PHACTR2: variants seen among roughly 807,000 people sequenced by gnomAD.
PHACTR2 encodes the protein chromosome 6 open reading frame 56.
PHACTR2 carries 30 observed loss-of-function variants against 76.0 expected under a neutral mutation model. The observed-to-expected ratio is 0.39, with a 90% CI of 0.30 to 0.54. The LOEUF is 0.54. Among genes scored for constraint, PHACTR2 ranks in the 20% least tolerant of loss-of-function variants. The pLI is 0.61. For synonymous variants in PHACTR2, 292 were observed against 292.5 expected (o/e 1.00, Z 0.02); for missense variants, 696 against 781.1 (o/e 0.89, Z 1.30).
intron 2 of PHACTR2, among the ~76,000 whole-genome samples, chr6:143,712,606 C>G (rs1039580714): frequency 2.0e-5 from 3 of 151,758 alleles, no homozygotes; most frequent in African/African-American, 7.3e-5. Context: ...GTAGACTATA[C>G]TGCTATACAC....
intron 12 of PHACTR2, among the ~76,000 whole-genome samples, chr6:143,810,858 T>C (rs1386748369): frequency 2.0e-5 from 3 of 152,042 alleles, no homozygotes; most frequent in Non-Finnish European, 4.4e-5. Flanking sequence ...ATGTGATCAA[T>C]TTTTTGGGTA....
intron 1 of PHACTR2, among the ~76,000 whole-genome samples, chr6:143,620,062 A>T (rs1402890323): frequency 1.3e-5 from 2 of 152,232 alleles, no homozygotes; most frequent in Non-Finnish European, 2.9e-5. Context: ...TTGTTTAAAT[A>T]ACTGTATGAC....
intron 2 of PHACTR2, among the ~76,000 whole-genome samples, chr6:143,727,457 T>C (rs953474932): frequency 2.6e-5 from 4 of 152,118 alleles, no homozygotes; most frequent in Non-Finnish European, 1.5e-5. Context: ...TGAGTTCCAT[T>C]TTTGTGGGGG....
rs1450612609 is a variant in PHACTR2, at chr6:143,767,358, T to C, written c.1232+1560T>C. On this transcript the variant is annotated intron_variant, in intron 6 of 12. Coordinates refer to ENST00000440869, the MANE Select transcript of PHACTR2 (RefSeq NM_001100164.2). The surrounding 1 kb of genome is among the most constrained non-coding windows in gnomAD (Gnocchi z 4.4). ...TCTACTTCTACTGCCATTTCTCTTC[T>C]GTTAGTTTCTTTGGGTTTTTTTAAG... is the stretch of plus-strand genomic sequence containing the variant. 6.6e-6 allele frequency among the ~76,000 whole-genome samples: 1 copy of C among 152,212 alleles called. No homozygotes were observed. Among genetic ancestry groups the C allele is most frequent in the Admixed American group, 6.5e-5 (1 of 15,286 alleles).
Position 143,659,463 on chromosome 6 carries a change from G to A in PHACTR2, c.13+51141G>A, listed in dbSNP as rs376998285. ...ACTGAGGAAGGATACACCTGGAAGT[G>A]CATGTGGTCACTGGGCAGCACGCCA... On this transcript the variant is annotated intron_variant, in intron 1 of 11. Transcript: ENST00000305766. This position sits in a 1 kb window ranked among gnomAD's most constrained non-coding sequence, Gnocchi z 5.0. 6.6e-6 allele frequency among the ~76,000 whole-genome samples: 1 copy of A among 152,198 alleles called. No homozygotes were observed. The highest frequency in any genetic ancestry group is 6.5e-5 in the Admixed American group (1 of 15,282).
At chr6:143,588,033 TA>T (rs1416995015) in intron 1 of PHACTR2, among the ~76,000 whole-genome samples, 1 of 151,222 alleles carries the variant, frequency 6.6e-6, no homozygotes, top group African/African-American at 2.4e-5. Flanking sequence ...TAAAATAAAA[TA>T]AAATAAAATA....
rs1278333265 is a variant in PHACTR2 at position 143,608,464 on chromosome 6, C to T, written c.13+142C>T. 20 of 785,020 alleles carry T rather than the reference C, an allele frequency of 2.5e-5. No homozygotes were observed. In the Admixed American group the frequency reaches 3.4e-4, roughly 13 times the overall value. The allele number at this position is 785,020 out of a possible 1,614,324, so 48.6% of individuals were successfully genotyped here. A position where few individuals can be genotyped will look rare whatever the true frequency, so the allele number is the denominator to read the frequency against. ...TGAGACGCGTGTAATATGTGAACCCCGATGCATTGTCCACAAGACAATTAG... is the reference window on the plus strand; with the variant it reads ...TGAGACGCGTGTAATATGTGAACCCTGATGCATTGTCCACAAGACAATTAG... On this transcript the variant is annotated intron_variant, in intron 1 of 11. Transcript: ENST00000305766. This position sits in a 1 kb window ranked among gnomAD's most constrained non-coding sequence, Gnocchi z 4.6.
intron 5 of PHACTR2, among the ~76,000 whole-genome samples, chr6:143,763,358 C>CA (rs1040058005): frequency 1.6e-4 from 24 of 147,550 alleles, no homozygotes; most frequent in African/African-American, 4.2e-4. Flanking sequence ...GACTCTGTCT[C>CA]AAAAAAAACA....
At chr6:143,790,412 A>T (rs949462849) in intron 11 of PHACTR2, among the ~76,000 whole-genome samples, 3 of 152,198 alleles carry the variant, frequency 2.0e-5, no homozygotes, top group East Asian at 3.9e-4. Flanking sequence ...CTTATGTGAA[A>T]GAGGCAAGGA....
chr6:143,623,187 A>C lies in PHACTR2; in HGVS notation c.13+14865A>C, dbSNP rs1421690248. On this transcript the variant is annotated intron_variant, in intron 1 of 11. Coordinates refer to the PHACTR2 transcript ENST00000305766. This position sits in a 1 kb window ranked among gnomAD's most constrained non-coding sequence, Gnocchi z 5.9. ...TATGTATTTTAAACTAAATTAATAA[A>C]TTAAATATTGTTATAAGAAAAAAGC... 1.6e-5 allele frequency among the ~76,000 whole-genome samples: 2 copies of C among 127,080 alleles called. No homozygotes were observed. The highest frequency in any genetic ancestry group is 3.5e-5 in the Non-Finnish European group (2 of 57,920). The allele number at this position is 127,080 out of a possible 152,430, so 83.4% of individuals were successfully genotyped here. A position where few individuals can be genotyped will look rare whatever the true frequency, so the allele number is the denominator to read the frequency against.
rs1776781783 is a variant in PHACTR2, at chr6:143,652,515, C to T, written c.13+44193C>T. On this transcript the variant is annotated intron_variant, in intron 1 of 11. Coordinates refer to the PHACTR2 transcript ENST00000305766. This position sits in a 1 kb window ranked among gnomAD's most constrained non-coding sequence, Gnocchi z 4.5. The stretch of plus-strand genomic sequence containing the variant: ...CAAAGTGATGCACGCTGTGTTTTTC[C>T]CTGTGAGACGTGTGAATGCCTTGTG... Among the ~76,000 whole-genome samples, 2 of 152,148 alleles carry T rather than the reference C, an allele frequency of 1.3e-5. 1 individual carries two copies. Among genetic ancestry groups the T allele is most frequent in the South Asian group, 4.1e-4 (2 of 4,824 alleles).
rs915076274 is a variant in PHACTR2 at position 143,787,224 on chromosome 6, T to TC, written c.1708-1547dup. Among the ~76,000 whole-genome samples, 3 of 152,188 alleles carry TC rather than the reference T, an allele frequency of 2.0e-5. No individual in the cohort carries two copies. Among genetic ancestry groups the TC allele is most frequent in the African/African-American group, 7.2e-5 (3 of 41,438 alleles). On this transcript the variant is annotated intron_variant, in intron 10 of 12. Transcript: ENST00000440869. The surrounding 1 kb of genome is among the most constrained non-coding windows in gnomAD (Gnocchi z 4.6). ...GGTAGCTACCCCATGACTGGGACAG[T>TC]CCTGAGGACAAGACTGGATGGAGAA... is the stretch of plus-strand genomic sequence containing the variant.
chr6:143,810,495 C>A (rs868178400), intron 12 of PHACTR2: 2 of 437,456 alleles, frequency 4.6e-6, no homozygotes, highest in Middle Eastern at 3.4e-4. Flanking sequence ...AACAATAATA[C>A]CCCATTTCAT....
At position 143,812,626 on chromosome 6, in the gene PHACTR2, G is replaced by A. The variant is rs530233324; in HGVS notation, c.1922+5493G>A. 5.3e-5 allele frequency among the ~76,000 whole-genome samples: 8 copies of A among 152,334 alleles called. No homozygotes were observed. In the East Asian group the frequency reaches 1.5e-3, roughly 29 times the overall value. On this transcript the variant is annotated intron_variant, in intron 12 of 12. Transcript: ENST00000440869. ...TGGAATGGATGCTAGGGCAAGAAAG[G>A]TAGGGACAAATGGTCCCCACAAGAA...
At chr6:143,565,522 G>T (rs1306770013) in intron 1 of PHACTR2, among the ~76,000 whole-genome samples, 1 of 151,662 alleles carries the variant, frequency 6.6e-6, no homozygotes, top group Non-Finnish European at 1.5e-5. Flanking sequence ...GGAGAATGGC[G>T]TGAACCCGGG....
rs1779162571 is a variant in PHACTR2, at chr6:143,750,715, A to G, written c.295+1650A>G. 6.6e-6 allele frequency among the ~76,000 whole-genome samples: 1 copy of G among 152,234 alleles called. No individual in the cohort carries two copies. The highest frequency in any genetic ancestry group is 2.4e-5 in the African/African-American group (1 of 41,466). ...TGTGAAACTATTTGCCTCATAGATT[A>G]TAATTTCTTGGGCCAACATATACTT... On this transcript the variant is annotated intron_variant, in intron 3 of 12. Transcript: ENST00000440869. The surrounding 1 kb of genome is among the most constrained non-coding windows in gnomAD (Gnocchi z 4.6).
chr6:143,783,941 G>A lies in PHACTR2; in HGVS notation c.1707+661G>A, dbSNP rs528347600. 6.6e-6 allele frequency among the ~76,000 whole-genome samples: 1 copy of A among 151,316 alleles called. No individual in the cohort carries two copies. The highest frequency in any genetic ancestry group is 2.1e-4 in the South Asian group (1 of 4,802). On this transcript the variant is annotated intron_variant, in intron 10 of 12. Coordinates refer to ENST00000440869, the MANE Select transcript of PHACTR2 (RefSeq NM_001100164.2). This position sits in a 1 kb window ranked among gnomAD's most constrained non-coding sequence, Gnocchi z 5.2. Reference sequence around the variant, plus strand: ...AAGCTGAGGCAGGAGGATTGCTTGAGCCCAGGAGGTCAAGACCAGCCTGGA... The same window carrying A: ...AAGCTGAGGCAGGAGGATTGCTTGAACCCAGGAGGTCAAGACCAGCCTGGA...
chr6:143,778,369 T>C (rs1392039653), intron 9 of PHACTR2, among the ~76,000 whole-genome samples: 2 of 152,236 alleles, frequency 1.3e-5, no homozygotes, highest in African/African-American at 4.8e-5. Flanking sequence ...TTACAGTTGT[T>C]AGTACGAAAT....
At chr6:143,551,902 G>C (rs1171448880) in intron 1 of PHACTR2, among the ~76,000 whole-genome samples, 4 of 152,110 alleles carry the variant, frequency 2.6e-5, no homozygotes, top group African/African-American at 9.7e-5. Context: ...ATTTATTATT[G>C]CCTTGGGTAT....
Sources: gnomAD v4.1 joint callset for allele counts (sites outside exome capture counted in the v4.1 genomes callset) on GRCh38, gnomAD v4.1.1 for gene constraint, Gnocchi (gnomAD v3.1) non-coding constraint, MANE v1.5 for transcripts, NCBI Gene and HGNC (gene_info 2026-07-23, HGNC 2026-07-21) for gene names.